The following SLC35F3 variants were observed in gnomAD, a reference collection of about 807,000 sequenced individuals.
SLC35F3 encodes solute carrier family 35 member F3, also known as putative thiamine transporter SLC35F3.
A neutral mutation model predicts 49.9 loss-of-function variants in SLC35F3; 25 were observed. That is an observed-to-expected ratio of 0.50 (90% CI 0.37 to 0.70). The LOEUF (loss-of-function observed/expected upper bound fraction) is 0.70. SLC35F3 is among the 30% of genes least tolerant of loss of function. The pLI, the probability that SLC35F3 is intolerant of heterozygous loss-of-function variation, is 0.00. For missense variants in SLC35F3, 525 were observed against 639.8 expected (o/e 0.82, Z 1.94); for synonymous variants, 275 against 265.4 (o/e 1.04, Z -0.35).
intron 2 of SLC35F3, among the ~76,000 whole-genome samples, chr1:233,956,664 A>G (rs1186307240): frequency 6.6e-6 from 1 of 152,120 alleles, no homozygotes; most frequent in African/African-American, 2.4e-5. Context: ...TGCCTTTTGA[A>G]TGGCTGATGA....
At position 233,948,700 on chromosome 1, in the gene SLC35F3, C is replaced by T. The variant is rs571655634; in HGVS notation, c.283+42942C>T. Among the ~76,000 whole-genome samples, 682 of 151,844 alleles carry T rather than the reference C, an allele frequency of 4.5e-3. 4 individuals are homozygous for T. Among genetic ancestry groups the T allele is most frequent in the African/African-American group, 0.016 (646 of 41,324 alleles). On this transcript the variant is annotated intron_variant, in intron 2 of 7. Coordinates refer to ENST00000366618, the MANE Select transcript of SLC35F3 (RefSeq NM_173508.4). ...TAGCATTAGGTATATCTCCCAATGC[C>T]ATCCCTACCCCCTCCCCCGACCCCA...
intron 2 of SLC35F3, among the ~76,000 whole-genome samples, chr1:234,033,430 T>G (rs1018359028): frequency 6.6e-6 from 1 of 152,222 alleles, no homozygotes; most frequent in Non-Finnish European, 1.5e-5. Context: ...ATTCTTTGCC[T>G]AAGCCAATGT....
intron 2 of SLC35F3, among the ~76,000 whole-genome samples, chr1:234,067,572 C>T (rs1053663707): frequency 6.6e-6 from 1 of 152,158 alleles, no homozygotes; most frequent in South Asian, 2.1e-4. Flanking sequence ...ATCTGGGGGC[C>T]TTACAGCTTC....
At chr1:234,127,735 T>G (rs1453545410) in intron 2 of SLC35F3, among the ~76,000 whole-genome samples, 1 of 151,860 alleles carries the variant, frequency 6.6e-6, no homozygotes, top group Non-Finnish European at 1.5e-5. Flanking sequence ...AGATTTTCTT[T>G]GAAGGAAATA....
chr1:234,159,395 G>A (rs1175076025), intron 2 of SLC35F3, among the ~76,000 whole-genome samples: 1 of 151,998 alleles, frequency 6.6e-6, no homozygotes, highest in Admixed American at 6.6e-5. Flanking sequence ...TGGCCAACAT[G>A]GTGAAACGCC....
chr1:234,050,280 C>T (rs1664355316), intron 2 of SLC35F3, among the ~76,000 whole-genome samples: 1 of 152,078 alleles, frequency 6.6e-6, no homozygotes, highest in South Asian at 2.1e-4. Context: ...CCTTTTTCTC[C>T]ACATCCTCTC....
chr1:233,999,858 G>A (rs1388666979), intron 2 of SLC35F3, among the ~76,000 whole-genome samples: 1 of 152,114 alleles, frequency 6.6e-6, no homozygotes, highest in African/African-American at 2.4e-5. Flanking sequence ...CACTGCATGA[G>A]TATACCAAAC....
At chr1:234,165,036 A>ATT (rs1269573965) in intron 2 of SLC35F3, among the ~76,000 whole-genome samples, 1 of 103,616 alleles carries the variant, frequency 9.7e-6, no homozygotes, top group East Asian at 3.4e-4. Flanking sequence ...TCTAGCTTCA[A>ATT]TTTGTGTGTG....
At chr1:234,179,250 C>G (rs1666522610) in intron 2 of SLC35F3, among the ~76,000 whole-genome samples, 1 of 152,116 alleles carries the variant, frequency 6.6e-6, no homozygotes, top group African/African-American at 2.4e-5. Flanking sequence ...GGCTGAAGGT[C>G]CATCTTCTTG....
chr1:234,217,819 A>G (rs1667145612), intron 2 of SLC35F3, among the ~76,000 whole-genome samples: 1 of 151,646 alleles, frequency 6.6e-6, no homozygotes, highest in Admixed American at 6.6e-5. Context: ...TTCCTCAGGA[A>G]GAGGCCTTTC....
intron 2 of SLC35F3, among the ~76,000 whole-genome samples, chr1:234,182,365 A>G (rs1024277257): frequency 6.6e-6 from 1 of 152,138 alleles, no homozygotes; most frequent in African/African-American, 2.4e-5. Flanking sequence ...ATTACTCCAT[A>G]CCTGGAATTA....
intron 2 of SLC35F3, among the ~76,000 whole-genome samples, chr1:233,971,294 A>T (rs1175121977): frequency 6.6e-6 from 1 of 152,228 alleles, no homozygotes; most frequent in African/African-American, 2.4e-5. Context: ...CCTCATTACG[A>T]AGGAGAAGAA....
chr1:234,315,746 C>T (rs531434820), intron 4 of SLC35F3, among the ~76,000 whole-genome samples: 88 of 152,320 alleles, frequency 5.8e-4, no homozygotes, highest in African/African-American at 1.8e-3. Context: ...GTTCTACTGA[C>T]GGCAACCCCC....
At chr1:234,115,118 G>A (rs1454133427) in intron 2 of SLC35F3, among the ~76,000 whole-genome samples, 2 of 152,140 alleles carry the variant, frequency 1.3e-5, no homozygotes, top group African/African-American at 4.8e-5. Context: ...ACTTGCTTGT[G>A]GCTGCCAAAG....
intron 2 of SLC35F3, among the ~76,000 whole-genome samples, chr1:233,908,601 G>A (rs1661814482): frequency 6.9e-6 from 1 of 144,438 alleles, no homozygotes; most frequent in South Asian, 2.2e-4. Context: ...GAGTGCAATG[G>A]TGCAATCTCG....
chr1:233,967,232 A>G (rs993058263), intron 2 of SLC35F3, among the ~76,000 whole-genome samples: 15 of 152,024 alleles, frequency 9.9e-5, no homozygotes, highest in African/African-American at 3.4e-4. Context: ...ACGCATTTCA[A>G]TGAAAAATGC....
intron 2 of SLC35F3, among the ~76,000 whole-genome samples, chr1:234,021,750 A>G (rs909497226): frequency 6.6e-6 from 1 of 152,160 alleles, no homozygotes; most frequent in African/African-American, 2.4e-5. Flanking sequence ...TGGCTTTACT[A>G]TTCCACGCAC....
At chr1:234,084,505 A>G (rs774601068) in intron 2 of SLC35F3, among the ~76,000 whole-genome samples, 57 of 152,248 alleles carry the variant, frequency 3.7e-4, no homozygotes, top group Non-Finnish European at 3.5e-4. Context: ...GCATTAAGTC[A>G]TTTATATACA....
intron 3 of SLC35F3, among the ~76,000 whole-genome samples, chr1:234,301,068 C>T (rs907540963): frequency 2.6e-5 from 4 of 152,166 alleles, no homozygotes; most frequent in African/African-American, 4.8e-5. Context: ...GGGAAAGACA[C>T]TGAGTTTATT....
Sources: allele counts gnomAD v4.1 joint callset (sites outside exome capture counted in the v4.1 genomes callset), GRCh38; gene constraint gnomAD v4.1.1; transcripts MANE v1.5; gene names NCBI Gene and HGNC (gene_info 2026-07-23, HGNC 2026-07-21).